SEMA5B: variants seen among roughly 807,000 people sequenced by gnomAD.
SEMA5B encodes the protein semaphorin 5B.
Under a neutral mutation model 135.0 loss-of-function variants are expected in SEMA5B, and 66 were observed. That is an observed-to-expected ratio of 0.49 (90% confidence interval 0.40 to 0.60). The LOEUF (loss-of-function observed/expected upper bound fraction) is 0.60. Ranked by LOEUF, SEMA5B falls within the 20% of genes least tolerant of loss-of-function variation. The pLI, the probability that SEMA5B is intolerant of heterozygous loss-of-function variation, is 0.00. For synonymous variants in SEMA5B, 690 were observed against 639.5 expected (o/e 1.08, Z -1.19); for missense variants, 1,501 against 1,566.3 (o/e 0.96, Z 0.70).
intron 1 of SEMA5B, among the ~76,000 whole-genome samples, chr3:123,017,919 GA>G (rs111824838): frequency 0.095 from 11,213 of 118,304 alleles, 891 homozygotes; most frequent in African/African-American, 0.23. Context: ...CTCAAAAAAA[GA>G]AAAAAAAAAA....
Position 122,915,523 on chromosome 3 carries a change from T to C in SEMA5B, c.1905A>G (p.Arg635=), listed in dbSNP as rs1487998862. The C allele has an allele frequency of 6.2e-7, 1 of 1,613,976 alleles. No homozygotes were observed. Among genetic ancestry groups the C allele is most frequent in the South Asian group, 1.1e-5 (1 of 91,062 alleles). The part of the protein sequence containing the change: ...DGDNSGSCLC[R]ARSCDSPRPR... ...GTCGAGGGGAATCACAGGATCGAGC[T>C]CGACACAGGCAAGAGCCTGAGTTGT... Residue 635 remains arginine (R), a synonymous_variant, in exon 14 of 23, where the codon CGA becomes CGG. Transcript: ENST00000357599.
At chr3:123,028,363 T>C (rs1576418009), upstream of SEMA5B, 1 of 152,110 alleles carries the variant, frequency 6.6e-6, no homozygotes, top group Non-Finnish European at 1.5e-5. Context: ...CGGATTAGGG[T>C]TAACCTTGCA....
At chr3:122,938,697 A>G (rs1367593857) in intron 5 of SEMA5B, among the ~76,000 whole-genome samples, 1 of 152,196 alleles carries the variant, frequency 6.6e-6, no homozygotes, top group African/African-American at 2.4e-5. Flanking sequence ...AATCATTGGG[A>G]GACTAGAACA....
At chr3:122,916,617 G>C (rs893841297) in intron 12 of SEMA5B, among the ~76,000 whole-genome samples, 9 of 152,150 alleles carry the variant, frequency 5.9e-5, no homozygotes, top group African/African-American at 1.9e-4. Flanking sequence ...TAAGCTTTCT[G>C]ACCACGCTTT....
chr3:123,001,286 A>G (rs1942168993), intron 1 of SEMA5B, among the ~76,000 whole-genome samples: 1 of 152,012 alleles, frequency 6.6e-6, no homozygotes, highest in Admixed American at 6.5e-5. Flanking sequence ...CCCTGGGGTG[A>G]GTTTTTCTGT....
intron 1 of SEMA5B, among the ~76,000 whole-genome samples, chr3:123,012,069 G>A (rs895428572): frequency 1.3e-5 from 2 of 152,184 alleles, no homozygotes; most frequent in Admixed American, 1.3e-4. Context: ...CTTCGCCGTG[G>A]CCTAGGTTCA....
intron 8 of SEMA5B, 100 bp from the exon 9 acceptor site, chr3:122,926,777 T>A: frequency 7.6e-7 from 1 of 1,317,522 alleles, no homozygotes; most frequent in Non-Finnish European, 1.1e-6. Flanking sequence ...CAGATGGGCA[T>A]CCTGACATCC....
chr3:123,015,397 T>C (rs1370511972), intron 1 of SEMA5B, among the ~76,000 whole-genome samples: 1 of 152,162 alleles, frequency 6.6e-6, no homozygotes, highest in African/African-American at 2.4e-5. Context: ...GTTGAGGCTA[T>C]GTTAACAGGA....
intron 1 of SEMA5B, among the ~76,000 whole-genome samples, chr3:123,011,558 G>C (rs918249242): frequency 1.3e-5 from 2 of 152,242 alleles, no homozygotes; most frequent in African/African-American, 4.8e-5. Flanking sequence ...CAGGACAGCA[G>C]ACTCTGCCCC....
chr3:122,984,653 TAGAAGCCCAATCCCCACCAGTAC>T (rs758776933), intron 1 of SEMA5B, among the ~76,000 whole-genome samples: 3 of 152,044 alleles, frequency 2.0e-5, no homozygotes, highest in Non-Finnish European at 2.9e-5. Context: ...ATGGGTACGC[TAGAAGCCCAATCCCCACCAGTAC>T]ACAATATACC....
At chr3:122,983,008 AGAAG>A (rs1941571135) in intron 1 of SEMA5B, among the ~76,000 whole-genome samples, 1 of 151,868 alleles carries the variant, frequency 6.6e-6, no homozygotes, top group Admixed American at 6.6e-5. Context: ...CTCTGATCAC[AGAAG>A]GAAGGGTTAG....
At chr3:123,016,813 C>G (rs1020789265) in intron 1 of SEMA5B, among the ~76,000 whole-genome samples, 3 of 151,470 alleles carry the variant, frequency 2.0e-5, no homozygotes, top group African/African-American at 7.3e-5. Context: ...TAATCCTGGC[C>G]TAAAGTGATT....
chr3:122,933,262 A>G (rs557998621), intron 5 of SEMA5B, among the ~76,000 whole-genome samples: 28 of 152,206 alleles, frequency 1.8e-4, no homozygotes, highest in African/African-American at 5.5e-4. Context: ...TTCCTAGGAA[A>G]AGGAACATGG....
chr3:122,975,751 C>T (rs1237655656), intron 1 of SEMA5B, among the ~76,000 whole-genome samples: 2 of 152,138 alleles, frequency 1.3e-5, no homozygotes, highest in Non-Finnish European at 2.9e-5. Context: ...CATCTCTCCT[C>T]TCCAATCCAT....
At chr3:122,948,378 G>C in intron 3 of SEMA5B, 128 bp downstream of exon 3, 1 of 719,590 alleles carries the variant, frequency 1.4e-6, no homozygotes, top group Non-Finnish European at 2.1e-6. Context: ...AGGACCCCGG[G>C]ACGGGACCCA....
At chr3:122,963,650 C>T (rs1163088809) in intron 1 of SEMA5B, among the ~76,000 whole-genome samples, 2 of 152,024 alleles carry the variant, frequency 1.3e-5, no homozygotes, top group East Asian at 3.8e-4. Context: ...CGTTGGGGAG[C>T]CAGCTGTAGC....
intron 3 of SEMA5B, among the ~76,000 whole-genome samples, chr3:122,944,566 CA>C (rs942023192): frequency 2.0e-5 from 3 of 152,166 alleles, no homozygotes; most frequent in Non-Finnish European, 4.4e-5. Context: ...GATTTTCAGA[CA>C]AGATTCTGCA....
At chr3:122,956,092 G>A (rs964680396) in intron 2 of SEMA5B, among the ~76,000 whole-genome samples, 3 of 152,234 alleles carry the variant, frequency 2.0e-5, no homozygotes, top group Non-Finnish European at 4.4e-5. Context: ...GCCCTGCCTC[G>A]GGCCTGCTTG....
intron 5 of SEMA5B, among the ~76,000 whole-genome samples, chr3:122,931,168 C>T (rs1259404885): frequency 1.3e-5 from 2 of 152,160 alleles, no homozygotes; most frequent in Non-Finnish European, 2.9e-5. Context: ...CACCCCTTTT[C>T]CCAAGGACAA....
Sources: allele counts gnomAD v4.1 joint callset (sites outside exome capture counted in the v4.1 genomes callset), GRCh38; gene constraint gnomAD v4.1.1; transcripts MANE v1.5; gene names NCBI Gene and HGNC (gene_info 2026-07-23, HGNC 2026-07-21).